Variants in LRP4 observed in about 807,000 individuals in gnomAD.
The protein encoded by LRP4 is low-density lipoprotein receptor-related protein 4.
A neutral mutation model predicts 220.3 loss-of-function variants in LRP4; 95 were observed. The observed-to-expected ratio is 0.43, with a 90% CI of 0.37 to 0.51. LRP4 has a LOEUF of 0.51. Among genes scored for constraint, LRP4 ranks in the 20% least tolerant of loss-of-function variants. The pLI, the probability that LRP4 is intolerant of heterozygous loss-of-function variation, is 0.00. For synonymous variants in LRP4, 903 were observed against 954.6 expected, an observed-to-expected ratio of 0.95 and a Z score of 1.00; for missense variants, 1,925 against 2,567.0, an observed-to-expected ratio of 0.75 and a Z score of 5.40.
intron 34 of LRP4, 23 bp from the exon 35 acceptor site, chr11:46,865,209 T>C: frequency 1.3e-6 from 2 of 1,531,904 alleles, no homozygotes; most frequent in Non-Finnish European, 1.8e-6. Flanking sequence ...GAAAACTGGA[T>C]GTGAAGCCTA....
intron 1 of LRP4, among the ~76,000 whole-genome samples, chr11:46,915,141 C>A (rs1941928398): frequency 6.6e-6 from 1 of 152,134 alleles, no homozygotes; most frequent in African/African-American, 2.4e-5. Flanking sequence ...CAGTGACAAG[C>A]CAAGTATGTT....
At position 46,858,504 on chromosome 11, in the gene LRP4, C is replaced by T; in HGVS notation, c.*479G>A. The stretch of plus-strand genomic sequence containing the variant: ...TGCTGGGCTGATTCTTCCTTCTTCT[C>T]TCAGCCTCTATCCTTCATCCCTGTC... On this transcript the variant is annotated 3_prime_UTR_variant, in exon 38 of 38. Coordinates refer to ENST00000378623, the MANE Select transcript of LRP4 (RefSeq NM_002334.4). The T allele has an allele frequency of 9.0e-6, 2 of 222,166 alleles. No individual in the cohort carries two copies. The highest frequency in any genetic ancestry group is 1.8e-5 in the Non-Finnish European group (2 of 109,202). The allele number at this position is 222,166 out of a possible 1,614,324, so 13.8% of individuals were successfully genotyped here.
intron 20 of LRP4, 149 bp from the exon 21 acceptor site, chr11:46,879,464 G>T: frequency 1.3e-6 from 1 of 755,604 alleles, no homozygotes; most frequent in Non-Finnish European, 2.2e-6. Context: ...ATCTCTCTGA[G>T]CCTTGCTCTA....
At position 46,896,005 on chromosome 11, in the gene LRP4, A is replaced by T. The variant is rs1592542045; in HGVS notation, c.1062T>A (p.Gly354=). 1.2e-6 allele frequency: 2 copies of T among 1,613,702 alleles called. No homozygotes were observed. Among genetic ancestry groups the T allele is most frequent in the South Asian group, 1.1e-5 (1 of 91,070 alleles). The change falls in exon 10 of 38, where the codon GGT becomes GGA. Residue 354 remains glycine, a synonymous_variant. Coordinates refer to ENST00000378623, the MANE Select transcript of LRP4 (RefSeq NM_002334.4). ...SPQQNCRPRT[G]EENCNVNNGG... is the part of the protein sequence containing the mutation. ...CGTTGTTAACATTGCAGTTCTCCTC[A>T]CCCGTCCGGGGCCCTGTGCCAGCCA... is the stretch of plus-strand genomic sequence containing the variant.
intron 20 of LRP4, among the ~76,000 whole-genome samples, chr11:46,879,730 C>T (rs1246948172): frequency 1.3e-5 from 2 of 152,230 alleles, no homozygotes; most frequent in Non-Finnish European, 2.9e-5. Flanking sequence ...GACATGACTT[C>T]ACTTAGTGTA....
intron 25 of LRP4, 90 bp from the exon 26 acceptor site, chr11:46,876,056 G>GA: frequency 7.0e-7 from 1 of 1,438,000 alleles, no homozygotes; most frequent in Non-Finnish European, 9.7e-7. Context: ...AGATACACTT[G>GA]AGTACTTACA....
chr11:46,895,072 C>G (rs895975936), intron 11 of LRP4, 94 bp downstream of exon 11: 1 of 1,559,716 alleles, frequency 6.4e-7, no homozygotes, highest in East Asian at 2.2e-5. Flanking sequence ...ACAGAAATCT[C>G]TCTACCTCTC....
chr11:46,903,024 T>C, intron 1 of LRP4, 95 bp from the exon 2 acceptor site: 1 of 1,453,280 alleles, frequency 6.9e-7, no homozygotes, highest in Admixed American at 1.7e-5. Flanking sequence ...CCAGGGGCAC[T>C]GTCACCTGGA....
Position 46,892,991 on chromosome 11 carries a change from G to A in LRP4, c.1679C>T (p.Ala560Val). 3 of 1,613,666 alleles carry A rather than the reference G, an allele frequency of 1.9e-6. No individual in the cohort carries two copies. The highest frequency in any genetic ancestry group is 2.5e-6 in the Non-Finnish European group (3 of 1,179,962). ...WQNLEKPRAI[A>V]LHPMEGTIYW... ...AACTTACCCCTCCATGGGATGCAAG[G>A]CAATGGCCCGGGGCTTCTCCAGGTT... Residue 560 changes from alanine (A) to valine (V), a missense_variant, in exon 13 of 38, where the codon GCC (alanine) becomes GTC (valine). By Grantham distance (64) the Ala-to-Val change is moderately conservative. Coordinates refer to ENST00000378623, the MANE Select transcript of LRP4 (RefSeq NM_002334.4).
rs1941614799 is a variant in LRP4 at position 46,899,313 on chromosome 11, G to A, written c.547+74C>T. Reference sequence around the variant, plus strand: ...TTGCCCTTGGTACATGCACTCCTCAGCCTCGCCCTTAGCCAATGGGCAGAA... The same window carrying A: ...TTGCCCTTGGTACATGCACTCCTCAACCTCGCCCTTAGCCAATGGGCAGAA... On this transcript the variant is annotated intron_variant, in intron 5 of 37. Coordinates refer to ENST00000378623, the MANE Select transcript of LRP4 (RefSeq NM_002334.4). The surrounding 1 kb of genome is among the most constrained non-coding windows in gnomAD (Gnocchi z 5.9). The A allele has an allele frequency of 1.6e-6, 2 of 1,235,850 alleles. No individual in the cohort carries two copies. The highest frequency in any genetic ancestry group is 1.7e-5 in the Admixed American group (1 of 59,570). The allele number at this position is 1,235,850 out of a possible 1,614,324, so 76.6% of individuals were successfully genotyped here. A position where few individuals can be genotyped will look rare whatever the true frequency, so the allele number is the denominator to read the frequency against.
Position 46,875,164 on chromosome 11 carries a change from G to T in LRP4, c.3926-61C>A. The stretch of plus-strand genomic sequence containing the variant: ...TGGAACATCATCTGAATCTTACAAA[G>T]GTCCCAGTTGTTTGTGGCTGGCTCT... On this transcript the variant is annotated intron_variant, in intron 27 of 37. Coordinates refer to ENST00000378623, the MANE Select transcript of LRP4 (RefSeq NM_002334.4). This position sits in a 1 kb window ranked among gnomAD's most constrained non-coding sequence, Gnocchi z 4.5. 2 of 1,542,218 alleles carry T rather than the reference G, an allele frequency of 1.3e-6. No individual in the cohort carries two copies. The highest frequency in any genetic ancestry group is 3.5e-5 in the Admixed American group (2 of 57,058).
chr11:46,889,931 G>C lies in LRP4; in HGVS notation c.2092+13C>G. 2 of 1,614,104 alleles carry C rather than the reference G, an allele frequency of 1.2e-6. No homozygotes were observed. The highest frequency in any genetic ancestry group is 2.2e-5 in the South Asian group (2 of 91,078). On this transcript the variant is annotated intron_variant, in intron 15 of 37. Coordinates refer to ENST00000378623, the MANE Select transcript of LRP4 (RefSeq NM_002334.4). ...TGAGGCTACTTTGGCTCACCCGGTG[G>C]GCAGTTTTTTACCTGCAGGTTGGCG...
chr11:46,859,441 A>C, intron 37 of LRP4, 126 bp from the exon 38 acceptor site: 7 of 736,762 alleles, frequency 9.5e-6, no homozygotes, highest in African/African-American at 1.7e-5. Flanking sequence ...CCACAAACAA[A>C]TGGGGAAATG....
In LRP4 at chr11:46,864,410, C is replaced by A. The variant is rs752156379; in HGVS notation, c.5243+38G>T. On this transcript the variant is annotated intron_variant, in intron 36 of 37. Coordinates refer to ENST00000378623, the MANE Select transcript of LRP4 (RefSeq NM_002334.4). ...AGATCCCAGACATGCTCATGAAGAC[C>A]AATGAGCATGTGGCCCCTGTAGCAA... 3 of 1,383,306 alleles carry A rather than the reference C, an allele frequency of 2.2e-6. No homozygotes were observed. In the South Asian group the frequency reaches 3.5e-5, roughly 16 times the overall value. 85.7% of individuals were successfully genotyped at this position (1,383,306 alleles called of 1,614,324 possible).
chr11:46,869,267 A>T, intron 31 of LRP4, 135 bp from the exon 32 acceptor site: 1 of 820,366 alleles, frequency 1.2e-6, no homozygotes, highest in Non-Finnish European at 2.0e-6. Flanking sequence ...ATTTCTGTGC[A>T]TCAACAGACA....
intron 1 of LRP4, among the ~76,000 whole-genome samples, chr11:46,908,154 A>G (rs1259470018): frequency 2.6e-5 from 4 of 151,990 alleles, no homozygotes; most frequent in Admixed American, 2.0e-4. Context: ...GTGGTCTTAA[A>G]TTCCTGACCT....
chr11:46,910,691 T>TTTTTTTTTTTTGG (rs1941845071), intron 1 of LRP4, among the ~76,000 whole-genome samples: 2 of 149,898 alleles, frequency 1.3e-5, no homozygotes, highest in East Asian at 2.0e-4. Flanking sequence ...TTTTTTTTTT[T>TTTTTTTTTTTTGG]GAGGTGGAGT....
rs745436025 is a variant in LRP4, at chr11:46,869,031, T to C, written c.4794A>G (p.Glu1598=). ...RNKETVLANV[E]GLMDIIVVSP... is the part of the protein sequence containing the mutation. ...AAACCACGATGATATCCATGAGTCC[T>C]TCCACATTTGCCAGCACTGTCTCCT... Residue 1598 remains glutamate, a synonymous_variant, in exon 32 of 38, where the codon GAA becomes GAG. Coordinates refer to ENST00000378623, the MANE Select transcript of LRP4 (RefSeq NM_002334.4). 1 of 1,614,196 alleles carries C rather than the reference T, an allele frequency of 6.2e-7. No individual in the cohort carries two copies. Among genetic ancestry groups the C allele is most frequent in the Middle Eastern group, 1.6e-4 (1 of 6,062 alleles).
Position 46,918,470 on chromosome 11 carries a change from G to T in LRP4, c.-91C>A. ...CGCGGAGGGTCCCCGAGGGGGAAGC[G>T]TCCCGGGTGCACGGCGGCCTGCGCG... On this transcript the variant is annotated 5_prime_UTR_variant, in exon 1 of 38. Coordinates refer to ENST00000378623, the MANE Select transcript of LRP4 (RefSeq NM_002334.4). The surrounding 1 kb of genome is among the most constrained non-coding windows in gnomAD (Gnocchi z 6.0). 2.0e-6 allele frequency: 2 copies of T among 976,208 alleles called. No individual in the cohort carries two copies. The highest frequency in any genetic ancestry group is 2.6e-6 in the Non-Finnish European group (2 of 767,144). The allele number at this position is 976,208 out of a possible 1,614,324, so 60.5% of individuals were successfully genotyped here. A position where few individuals can be genotyped will look rare whatever the true frequency, so the allele number is the denominator to read the frequency against.
Sources: gnomAD v4.1 joint callset for allele counts (sites outside exome capture counted in the v4.1 genomes callset) on GRCh38, gnomAD v4.1.1 for gene constraint, Gnocchi (gnomAD v3.1) non-coding constraint, MANE v1.5 for transcripts, NCBI Gene and HGNC (gene_info 2026-07-23, HGNC 2026-07-21) for gene names.